Variants in TAFA4 observed in about 807,000 individuals in gnomAD.
The protein encoded by TAFA4 is chemokine-like protein TAFA-4.
A neutral mutation model predicts 21.1 loss-of-function variants in TAFA4; 20 were observed. The ratio of observed to expected loss-of-function variants is 0.95; its 90% confidence interval spans 0.67 to 1.38. TAFA4 has a LOEUF of 1.38. Among genes scored for constraint, TAFA4 ranks in the 40% most tolerant of loss-of-function variants. TAFA4 has a pLI of 0.00. For synonymous variants in TAFA4, 71 were observed against 67.4 expected, an observed-to-expected ratio of 1.05 and a Z score of -0.26; for missense variants, 211 against 180.9, an observed-to-expected ratio of 1.17 and a Z score of -0.95.
At chr3:68,848,890 T>C (rs1704874929) in intron 3 of TAFA4, among the ~76,000 whole-genome samples, 2 of 151,554 alleles carry the variant, frequency 1.3e-5, no homozygotes, top group African/African-American at 4.9e-5. Context: ...CCAACAGAAA[T>C]AAACTTCATT....
intron 3 of TAFA4, among the ~76,000 whole-genome samples, chr3:68,801,207 G>A (rs1703571694): frequency 6.6e-6 from 1 of 152,186 alleles, no homozygotes; most frequent in Non-Finnish European, 1.5e-5. Context: ...GATGGTCATA[G>A]ACATGTAGGT....
chr3:68,733,085 GC>G lies in TAFA4; in HGVS notation c.*56del. On this transcript the variant is annotated 3_prime_UTR_variant, in exon 6 of 6. Transcript: ENST00000295569. ...CAAAGGGGCCATGATGGGAATCCAAGCAAAAGAGCTCCGCCTCCTGCTGCCC... is the reference window on the plus strand; with the variant it reads ...CAAAGGGGCCATGATGGGAATCCAAGAAAAGAGCTCCGCCTCCTGCTGCCC... 1 of 1,609,440 alleles carries G rather than the reference GC, an allele frequency of 6.2e-7. No individual in the cohort carries two copies. Among genetic ancestry groups the G allele is most frequent in the Non-Finnish European group, 8.5e-7 (1 of 1,177,660 alleles).
intron 3 of TAFA4, among the ~76,000 whole-genome samples, chr3:68,763,519 A>G (rs889835193): frequency 1.4e-4 from 21 of 152,188 alleles, no homozygotes; most frequent in African/African-American, 4.8e-4. Context: ...ATATTACAAG[A>G]AAAGTTATTC....
intron 1 of TAFA4, among the ~76,000 whole-genome samples, chr3:68,904,092 T>G (rs1268839227): frequency 1.3e-5 from 2 of 151,262 alleles, no homozygotes; most frequent in African/African-American, 4.9e-5. Context: ...CAATTTGCCA[T>G]GTATAGAAAG....
chr3:68,844,232 T>A (rs143190152), intron 3 of TAFA4, among the ~76,000 whole-genome samples: 4,000 of 152,276 alleles, frequency 0.026, 125 homozygotes, highest in East Asian at 0.12. Context: ...GACTTCTTCC[T>A]GTTTTAGTCT....
At chr3:68,827,999 GT>G (rs1451129002) in intron 3 of TAFA4, among the ~76,000 whole-genome samples, 1 of 152,208 alleles carries the variant, frequency 6.6e-6, no homozygotes, top group Non-Finnish European at 1.5e-5. Flanking sequence ...TTCTTCTAGA[GT>G]TTTTGTGGTT....
At chr3:68,760,770 C>G (rs769750174) in intron 3 of TAFA4, among the ~76,000 whole-genome samples, 2 of 152,218 alleles carry the variant, frequency 1.3e-5, no homozygotes, top group African/African-American at 2.4e-5. Context: ...TCTAGTAATT[C>G]TCAACTTTCT....
chr3:68,885,555 T>C (rs1050471632), intron 1 of TAFA4, among the ~76,000 whole-genome samples: 1 of 152,210 alleles, frequency 6.6e-6, no homozygotes, highest in Non-Finnish European at 1.5e-5. Flanking sequence ...AAGAACTTTC[T>C]GCAGCAGGAA....
At chr3:68,737,747 A>G (rs1363375056) in intron 5 of TAFA4, among the ~76,000 whole-genome samples, 1 of 152,202 alleles carries the variant, frequency 6.6e-6, no homozygotes, top group African/African-American at 2.4e-5. Flanking sequence ...GCTGAAGATG[A>G]ATTACTAAAC....
chr3:68,751,624 C>G (rs774987618), intron 4 of TAFA4, among the ~76,000 whole-genome samples: 1 of 151,982 alleles, frequency 6.6e-6, no homozygotes, highest in Non-Finnish European at 1.5e-5. Context: ...TCAATAATCC[C>G]CAAATCCAAA....
At chr3:68,845,103 C>G (rs988322603) in intron 3 of TAFA4, among the ~76,000 whole-genome samples, 2 of 152,082 alleles carry the variant, frequency 1.3e-5, no homozygotes, top group Non-Finnish European at 2.9e-5. Context: ...TCTAAATTGA[C>G]AGTGGGGTGT....
At chr3:68,855,548 G>T (rs978563683) in intron 3 of TAFA4, among the ~76,000 whole-genome samples, 1 of 152,066 alleles carries the variant, frequency 6.6e-6, no homozygotes, top group Non-Finnish European at 1.5e-5. Context: ...TGAAAAGAAT[G>T]AAACTGATAA....
intron 3 of TAFA4, among the ~76,000 whole-genome samples, chr3:68,768,335 C>A (rs1702893898): frequency 6.6e-6 from 1 of 152,004 alleles, no homozygotes; most frequent in South Asian, 2.1e-4. Context: ...ATACAAATGG[C>A]CAACAGGTAT....
Position 68,759,063 on chromosome 3 carries a change from G to T in TAFA4, c.131-6045C>A, listed in dbSNP as rs151234873. ...TGGTGTCATTCCCATCTGAAGGTCAGCAGTCTTAAGGCCCAGCAAAAGCCA... is the reference window on the plus strand; with the variant it reads ...TGGTGTCATTCCCATCTGAAGGTCATCAGTCTTAAGGCCCAGCAAAAGCCA... On this transcript the variant is annotated intron_variant, in intron 3 of 5. Coordinates refer to ENST00000295569, the MANE Select transcript of TAFA4 (RefSeq NM_182522.5). 7.2e-5 allele frequency among the ~76,000 whole-genome samples: 11 copies of T among 152,324 alleles called. No homozygotes were observed. In the East Asian group the frequency reaches 2.1e-3, roughly 29 times the overall value.
intron 3 of TAFA4, among the ~76,000 whole-genome samples, chr3:68,860,757 A>G (rs1426233300): frequency 6.6e-6 from 1 of 152,166 alleles, no homozygotes; most frequent in African/African-American, 2.4e-5. Flanking sequence ...AGCTAAAAAT[A>G]AAAATTAAAT....
At chr3:68,763,696 T>C (rs1318319205) in intron 3 of TAFA4, among the ~76,000 whole-genome samples, 1 of 152,152 alleles carries the variant, frequency 6.6e-6, no homozygotes, top group Non-Finnish European at 1.5e-5. Flanking sequence ...CTAAGGACTT[T>C]CCTTTTGTCA....
At chr3:68,800,402 C>T (rs1703551971) in intron 3 of TAFA4, among the ~76,000 whole-genome samples, 4 of 152,190 alleles carry the variant, frequency 2.6e-5, no homozygotes, top group Admixed American at 1.3e-4. Flanking sequence ...TACAGAATAA[C>T]GGTGCTGACC....
At chr3:68,743,598 TAA>T (rs1702399040) in intron 4 of TAFA4, among the ~76,000 whole-genome samples, 2 of 149,332 alleles carry the variant, frequency 1.3e-5, no homozygotes, top group African/African-American at 5.1e-5. Flanking sequence ...AAGAAAAAGT[TAA>T]GTTATATTCT....
At chr3:68,884,821 A>G (rs2089654295) in intron 2 of TAFA4, among the ~76,000 whole-genome samples, 1 of 152,250 alleles carries the variant, frequency 6.6e-6, no homozygotes, top group Non-Finnish European at 1.5e-5. Context: ...GTTAGTAGCA[A>G]TAAGTTCCCT....
Sources: allele counts gnomAD v4.1 joint callset (sites outside exome capture counted in the v4.1 genomes callset), GRCh38; gene constraint gnomAD v4.1.1; transcripts MANE v1.5; gene names NCBI Gene and HGNC (gene_info 2026-07-23, HGNC 2026-07-21).